TM6SF1: variants seen among roughly 807,000 people sequenced by gnomAD.
TM6SF1 encodes transmembrane 6 superfamily member 1.
A neutral mutation model predicts 47.1 loss-of-function variants in TM6SF1; 43 were observed. The observed-to-expected ratio is 0.91, with a 90% CI of 0.72 to 1.18. TM6SF1 has a LOEUF of 1.18. TM6SF1 is among the 50% of genes most tolerant of loss of function. The pLI is 0.00. For missense variants in TM6SF1, 390 were observed against 449.0 expected, an observed-to-expected ratio of 0.87 and a Z score of 1.19; for synonymous variants, 177 against 166.3, an observed-to-expected ratio of 1.06 and a Z score of -0.49.
At chr15:83,109,700 C>T (rs942878180) in intron 1 of TM6SF1, among the ~76,000 whole-genome samples, 1 of 152,290 alleles carries the variant, frequency 6.6e-6, no homozygotes, top group East Asian at 1.9e-4. Context: ...TCTCGCTGCC[C>T]AGCCCCGCTG....
At chr15:83,115,501 G>A in intron 2 of TM6SF1, 1 of 414,628 alleles carries the variant, frequency 2.4e-6, no homozygotes, top group Non-Finnish European at 4.6e-6. Flanking sequence ...GCCCATGTGG[G>A]ATGTGGGTTT....
chr15:83,118,691 T>C (rs1287388842), intron 3 of TM6SF1, among the ~76,000 whole-genome samples: 3 of 152,086 alleles, frequency 2.0e-5, no homozygotes, highest in South Asian at 2.1e-4. Context: ...TTCCTTGTTG[T>C]AGAAAGGACT....
At chr15:83,113,193 C>G in intron 2 of TM6SF1, 2 of 472,600 alleles carry the variant, frequency 4.2e-6, no homozygotes, top group African/African-American at 3.9e-5. Flanking sequence ...GACTCTCATG[C>G]TAGCTCCTTC....
At chr15:83,111,572 C>T (rs2034184848) in intron 1 of TM6SF1, 1 of 974,248 alleles carries the variant, frequency 1.0e-6, no homozygotes, top group Non-Finnish European at 1.2e-6. Context: ...TTTCTCTCTC[C>T]TAGGGGACGG....
intron 4 of TM6SF1, among the ~76,000 whole-genome samples, 192 bp from the exon 5 acceptor site, chr15:83,121,729 C>CT (rs2035264646): frequency 6.6e-6 from 1 of 152,222 alleles, no homozygotes; most frequent in South Asian, 2.1e-4. Flanking sequence ...GAAGAAGGTT[C>CT]TATAGTATAT....
chr15:83,120,741 CA>C, intron 4 of TM6SF1, among the ~76,000 whole-genome samples: 1 of 151,970 alleles, frequency 6.6e-6, no homozygotes, highest in Middle Eastern at 3.4e-3. Context: ...ATTTTTAGTA[CA>C]CAAATCTAAA....
chr15:83,111,827 T>C (rs1013517013), intron 1 of TM6SF1: 5 of 269,952 alleles, frequency 1.9e-5, no homozygotes, highest in African/African-American at 1.1e-4. Flanking sequence ...TTGAGATAGG[T>C]TCCTCCATGT....
At chr15:83,126,308 T>A (rs1281492116) in intron 7 of TM6SF1, among the ~76,000 whole-genome samples, 1 of 152,162 alleles carries the variant, frequency 6.6e-6, no homozygotes, top group East Asian at 1.9e-4. Context: ...TTTTACTGCC[T>A]CCAAAGGCCA....
chr15:83,133,601 G>C (rs1567159070), intron 9 of TM6SF1: 1 of 152,140 alleles, frequency 6.6e-6, no homozygotes. Context: ...AAATTTCTAG[G>C]ATCAACAACT....
Position 83,122,806 on chromosome 15 carries a change from T to TACG in TM6SF1, c.533_534insGAC (p.Thr178dup). On this transcript the variant is annotated inframe_insertion, in exon 6 of 10. Transcript: ENST00000322019. ...CTGCTTTTTTCTTAAGCATACCATA[T>TACG]ACTTGTCTTCCTGTCTGGGCTGGTT... The TACG allele has an allele frequency of 6.2e-7, 1 of 1,614,090 alleles. No individual in the cohort carries two copies. Among genetic ancestry groups the TACG allele is most frequent in the Non-Finnish European group, 8.5e-7 (1 of 1,179,958 alleles).
intron 9 of TM6SF1, chr15:83,129,058 T>A (rs2036013963): frequency 6.6e-6 from 1 of 152,184 alleles, no homozygotes; most frequent in Admixed American, 6.6e-5. Context: ...CTCAAATGCC[T>A]GCTTCAAGTA....
In TM6SF1 at chr15:83,115,932, A is replaced by G. The variant is rs750518285; in HGVS notation, c.284A>G (p.Tyr95Cys). 66 of 1,613,166 alleles carry G rather than the reference A, an allele frequency of 4.1e-5. No individual in the cohort carries two copies. Among genetic ancestry groups the G allele is most frequent in the Non-Finnish European group, 5.2e-5 (61 of 1,179,226 alleles). ...DGIIDGFMTH[Y>C]LREGEPYLNT... ...ATCATTGACGGGTTCATGACACACT[A>G]CTTGAGAGAGGTATGGGATCACTTA... The change falls in exon 3 of 10, where the codon TAC becomes TGC. Residue 95 changes from tyrosine to cysteine, a missense_variant. By Grantham distance (194) the Tyr-to-Cys change is radical. Transcript: ENST00000322019.
chr15:83,122,632 C>T (rs1567144723), intron 5 of TM6SF1, 125 bp from the exon 6 acceptor site: 1 of 986,486 alleles, frequency 1.0e-6, no homozygotes, highest in Non-Finnish European at 1.5e-6. Flanking sequence ...TTAATTTGGC[C>T]TCATTAAAAA....
intron 4 of TM6SF1, among the ~76,000 whole-genome samples, chr15:83,121,504 A>G (rs2151360703): frequency 6.6e-6 from 1 of 152,328 alleles, no homozygotes; most frequent in African/African-American, 2.4e-5. Flanking sequence ...TGACCCCAGA[A>G]AAAGTCCATT....
intron 1 of TM6SF1, among the ~76,000 whole-genome samples, chr15:83,110,336 A>G (rs1198966868): frequency 2.0e-5 from 3 of 151,888 alleles, no homozygotes; most frequent in Non-Finnish European, 2.9e-5. Context: ...CGCAGCCCTT[A>G]CCTGTCCCTG....
chr15:83,115,812 T>C (rs2034609806), intron 2 of TM6SF1, 33 bp from the exon 3 acceptor site: 3 of 1,457,884 alleles, frequency 2.1e-6, no homozygotes, highest in Non-Finnish European at 2.9e-6. Flanking sequence ...TCCTGAGCTA[T>C]TGCTTTTTAA....
intron 3 of TM6SF1, among the ~76,000 whole-genome samples, chr15:83,117,560 G>A (rs143511840): frequency 1.5e-3 from 231 of 152,296 alleles, no homozygotes; most frequent in African/African-American, 5.2e-3. Flanking sequence ...ATGGAGCCCA[G>A]AGGAGGGAGG....
intron 9 of TM6SF1, chr15:83,128,492 T>C (rs2035964074): frequency 6.6e-6 from 1 of 152,232 alleles, no homozygotes; most frequent in African/African-American, 2.4e-5. Flanking sequence ...GACCTCTAAA[T>C]ACCTGATTCC....
Position 83,122,796 on chromosome 15 carries a change from G to A in TM6SF1, c.521G>A (p.Ser174Asn). The A allele has an allele frequency of 1.2e-6, 2 of 1,613,832 alleles. No homozygotes were observed. The highest frequency in any genetic ancestry group is 1.7e-6 in the Non-Finnish European group (2 of 1,179,922). Reference sequence around the variant, plus strand: ...CGAATTTGCCCTGCTTTTTTCTTAAGCATACCATATACTTGTCTTCCTGTC... The same window carrying A: ...CGAATTTGCCCTGCTTTTTTCTTAAACATACCATATACTTGTCTTCCTGTC... ...GTRICPAFFL[S>N]IPYTCLPVWA... The change falls in exon 6 of 10, where the codon AGC becomes AAC. Residue 174 changes from serine to asparagine, a missense_variant. Ser to Asn is a conservative substitution (Grantham distance 46). Coordinates refer to ENST00000322019, the MANE Select transcript of TM6SF1 (RefSeq NM_023003.5).
Sources: allele counts gnomAD v4.1 joint callset (sites outside exome capture counted in the v4.1 genomes callset), GRCh38; gene constraint gnomAD v4.1.1; transcripts MANE v1.5; gene names NCBI Gene and HGNC (gene_info 2026-07-23, HGNC 2026-07-21).